The following CSMD1 variants were observed in gnomAD, a reference collection of about 807,000 sequenced individuals.
CSMD1 encodes CUB and sushi domain-containing protein 1.
A neutral mutation model predicts 417.5 loss-of-function variants in CSMD1; 213 were observed. The ratio of observed to expected loss-of-function variants is 0.51; its 90% CI spans 0.46 to 0.57. The LOEUF (loss-of-function observed/expected upper bound fraction) is 0.57. CSMD1 is among the 20% of genes least tolerant of loss of function. The pLI is 0.00. For synonymous variants in CSMD1, 2,862 were observed against 1,736.8 expected, an observed-to-expected ratio of 1.65 and a Z score of -16.11; for missense variants, 6,923 against 4,529.7, an observed-to-expected ratio of 1.53 and a Z score of -15.17.
intron 68 of CSMD1, among the ~76,000 whole-genome samples, chr8:2,946,516 T>C (rs897040699): frequency 1.3e-5 from 2 of 152,248 alleles, no homozygotes; most frequent in Non-Finnish European, 2.9e-5. Context: ...TCTGGCTTCC[T>C]TCACTTGGCA....
intron 51 of CSMD1, among the ~76,000 whole-genome samples, chr8:3,024,962 G>A (rs943699862): frequency 6.6e-6 from 1 of 151,836 alleles, no homozygotes; most frequent in Admixed American, 6.6e-5. Context: ...CTAAAACTGT[G>A]TATTGTGTGG....
intron 3 of CSMD1, among the ~76,000 whole-genome samples, chr8:4,076,171 C>G (rs999667983): frequency 6.6e-6 from 1 of 152,150 alleles, no homozygotes; most frequent in African/African-American, 2.4e-5. Flanking sequence ...CCATGGTGTT[C>G]TCACGACAGT....
chr8:3,831,912 T>C (rs1285053922), intron 5 of CSMD1, among the ~76,000 whole-genome samples: 1 of 152,182 alleles, frequency 6.6e-6, no homozygotes. Context: ...TATCAAGACT[T>C]TTAAAATACC....
chr8:3,398,387 T>A (rs1242613785), intron 16 of CSMD1, among the ~76,000 whole-genome samples: 2 of 152,150 alleles, frequency 1.3e-5, no homozygotes, highest in Non-Finnish European at 2.9e-5. Context: ...ATTGTGCTAT[T>A]GGGGATTATT....
intron 3 of CSMD1, among the ~76,000 whole-genome samples, chr8:4,204,288 A>T (rs1420514408): frequency 1.3e-5 from 2 of 152,012 alleles, no homozygotes; most frequent in Non-Finnish European, 2.9e-5. Context: ...CTCAATTTGG[A>T]AGTTTTTGGT....
chr8:4,906,608 A>G (rs4875403), intron 1 of CSMD1, among the ~76,000 whole-genome samples: 146,782 of 152,064 alleles, frequency 0.97, 70,964 homozygotes, highest in Non-Finnish European at 0.99. Context: ...GACCAGGTTG[A>G]AGTGCAGTGG....
chr8:4,304,873 A>G (rs1232752029), intron 3 of CSMD1, among the ~76,000 whole-genome samples: 1 of 152,204 alleles, frequency 6.6e-6, no homozygotes, highest in African/African-American at 2.4e-5. Context: ...CATTTCACAA[A>G]ATATACTCTT....
rs1811173769 is a variant in CSMD1, at chr8:3,388,902, CACACACACA to C, written c.2594-1229_2594-1221del. ...TACACACCACACACATGCATACACA[CACACACACA>C]CACACACACACACACACACACACAC... On this transcript the variant is annotated intron_variant, in intron 17 of 69. Coordinates refer to ENST00000635120, the MANE Select transcript of CSMD1 (RefSeq NM_033225.6). 2.9e-4 allele frequency among the ~76,000 whole-genome samples: 3 copies of C among 10,452 alleles called. No individual in the cohort carries two copies. The Admixed American group carries it at 4.6e-3, about 16-fold the overall frequency. The allele number at this position is 10,452 out of a possible 152,430, so 6.9% of individuals were successfully genotyped here. A position where few individuals can be genotyped will look rare whatever the true frequency, so the allele number is the denominator to read the frequency against.
At chr8:4,266,413 A>T (rs1472371825) in intron 3 of CSMD1, among the ~76,000 whole-genome samples, 1 of 105,298 alleles carries the variant, frequency 9.5e-6, no homozygotes, top group Non-Finnish European at 2.6e-5. Context: ...TATGTGTAAT[A>T]ATGTGATTTC....
chr8:2,978,208 C>T lies in CSMD1; in HGVS notation c.8566+404G>A, dbSNP rs75535849. 7.4e-3 allele frequency among the ~76,000 whole-genome samples: 1,121 copies of T among 152,314 alleles called. 47 individuals carry two copies. The East Asian group carries it at 0.08, about 11-fold the overall frequency. The stretch of plus-strand genomic sequence containing the variant: ...GCCAGGTCAACAGACAGAAACTCCA[C>T]ACCAGAGCACTTCGCCCACCTGGGC... On this transcript the variant is annotated intron_variant, in intron 55 of 69. Transcript: ENST00000635120.
chr8:4,909,079 G>C (rs1169756246), intron 1 of CSMD1, among the ~76,000 whole-genome samples: 1 of 152,210 alleles, frequency 6.6e-6, no homozygotes, highest in East Asian at 1.9e-4. Context: ...AATCGGACTA[G>C]GAGTTGGATT....
chr8:4,801,692 T>C (rs1243390857), intron 1 of CSMD1, among the ~76,000 whole-genome samples: 2 of 151,978 alleles, frequency 1.3e-5, no homozygotes, highest in Non-Finnish European at 2.9e-5. Flanking sequence ...CCTGTCCTTC[T>C]ACACAAGGCA....
chr8:4,584,299 T>C (rs1311035647), intron 2 of CSMD1, among the ~76,000 whole-genome samples: 1 of 151,630 alleles, frequency 6.6e-6, no homozygotes, highest in East Asian at 2.0e-4. Flanking sequence ...AATCGCCGAG[T>C]GGTGAGACCG....
chr8:3,523,654 CAGTT>C (rs1797610371), intron 10 of CSMD1, among the ~76,000 whole-genome samples: 1 of 143,956 alleles, frequency 6.9e-6, no homozygotes. Context: ...CACACAGGCA[CAGTT>C]ACACATGCAC....
chr8:3,999,381 G>C (rs944870653), intron 4 of CSMD1, among the ~76,000 whole-genome samples: 2 of 152,138 alleles, frequency 1.3e-5, no homozygotes, highest in African/African-American at 2.4e-5. Context: ...CGAAGTGAGA[G>C]GAAATGACCT....
chr8:3,608,702 T>A (rs1396657207), intron 8 of CSMD1, among the ~76,000 whole-genome samples: 1 of 148,860 alleles, frequency 6.7e-6, no homozygotes, highest in East Asian at 2.0e-4. Flanking sequence ...AGGTGGAGGC[T>A]GCAGTAAGCC....
intron 50 of CSMD1, among the ~76,000 whole-genome samples, chr8:3,044,290 T>C (rs1204379325): frequency 2.0e-5 from 3 of 152,182 alleles, no homozygotes; most frequent in African/African-American, 7.2e-5. Flanking sequence ...ATTTATTTAT[T>C]TTCTTGTTGC....
chr8:3,053,092 T>G (rs1446768920), intron 49 of CSMD1, among the ~76,000 whole-genome samples: 2 of 152,174 alleles, frequency 1.3e-5, no homozygotes, highest in African/African-American at 4.8e-5. Context: ...TGAATTCTAT[T>G]TCTAGGGTAT....
intron 5 of CSMD1, among the ~76,000 whole-genome samples, chr8:3,962,436 G>C (rs1337078121): frequency 6.6e-6 from 1 of 152,192 alleles, no homozygotes; most frequent in African/African-American, 2.4e-5. Flanking sequence ...CCTCTCAGCT[G>C]GGTGATGTGA....
Sources: gnomAD v4.1 joint callset for allele counts (sites outside exome capture counted in the v4.1 genomes callset) on GRCh38, gnomAD v4.1.1 for gene constraint, MANE v1.5 for transcripts, NCBI Gene and HGNC (gene_info 2026-07-23, HGNC 2026-07-21) for gene names.